The following CPE variants were observed in gnomAD, a reference collection of about 807,000 sequenced individuals.
The protein encoded by CPE is carbocypeptidase E.
In CPE, 17 loss-of-function variants were observed where a neutral mutation model predicts 53.5. The ratio of observed to expected loss-of-function variants is 0.32; its 90% CI spans 0.22 to 0.48. The LOEUF (loss-of-function observed/expected upper bound fraction) is 0.48, where lower values mean the gene tolerates loss of function less well. Among genes scored for constraint, CPE ranks in the 20% least tolerant of loss-of-function variants. The pLI, the probability that CPE is intolerant of heterozygous loss-of-function variation, is 0.99. For missense variants in CPE, 524 were observed against 614.7 expected, an observed-to-expected ratio of 0.85 and a Z score of 1.56; for synonymous variants, 226 against 228.8, an observed-to-expected ratio of 0.99 and a Z score of 0.11.
intron 3 of CPE, among the ~76,000 whole-genome samples, chr4:165,479,287 A>G (rs1732359353): frequency 6.6e-6 from 1 of 152,220 alleles, no homozygotes; most frequent in Non-Finnish European, 1.5e-5. Flanking sequence ...TCAAAATATA[A>G]TAAGAGTGTA....
intron 1 of CPE, among the ~76,000 whole-genome samples, chr4:165,424,003 C>T (rs1301566742): frequency 6.6e-6 from 1 of 151,998 alleles, no homozygotes; most frequent in Non-Finnish European, 1.5e-5. Context: ...CCCTACTGTC[C>T]TTATTATGTC....
chr4:165,379,340 G>T lies in CPE; in HGVS notation c.119G>T (p.Arg40Leu), dbSNP rs1415444803. Residue 40 changes from arginine (R) to leucine (L), a missense_variant, in exon 1 of 9, where the codon CGC becomes CTC. Coordinates refer to ENST00000402744, the MANE Select transcript of CPE (RefSeq NM_001873.4). This position sits in a 1 kb window ranked among gnomAD's most constrained non-coding sequence, Gnocchi z 6.0. ...GCGCCCGCGGCGGGCATGAGGCGGC[G>T]CCGGCGGCTGCAGCAAGAGGACGGC... ...PGAPAAGMRR[R>L]RRLQQEDGIS... 2 of 1,581,674 alleles carry T rather than the reference G, an allele frequency of 1.3e-6. No homozygotes were observed. The highest frequency in any genetic ancestry group is 1.7e-6 in the Non-Finnish European group (2 of 1,168,378).
At chr4:165,404,987 C>T in intron 1 of CPE, 1 of 752,384 alleles carries the variant, frequency 1.3e-6, no homozygotes, top group African/African-American at 1.7e-5. Context: ...CTTTAGCACT[C>T]TGTGCTTAAA....
intron 1 of CPE, among the ~76,000 whole-genome samples, chr4:165,459,674 T>TCGGG (rs1553976460): frequency 3.5e-5 from 2 of 56,690 alleles, no homozygotes; most frequent in African/African-American, 7.1e-5. Context: ...GAGGGCTGGG[T>TCGGG]GGGGGGGGGC....
chr4:165,444,758 C>A (rs1731675912), intron 1 of CPE, among the ~76,000 whole-genome samples: 1 of 152,172 alleles, frequency 6.6e-6, no homozygotes, highest in African/African-American at 2.4e-5. Context: ...TAGAGAGATT[C>A]ATCTTGGGCT....
chr4:165,379,227 C>G lies in CPE; in HGVS notation c.6C>G (p.Ala2=), dbSNP rs1452620983. Reference sequence around the variant, plus strand: ...GGCGGCGGCGGAGCGCAGCGATGGCCGGGCGAGGGGGCAGCGCGCTGCTGG... The same window carrying G: ...GGCGGCGGCGGAGCGCAGCGATGGCGGGGCGAGGGGGCAGCGCGCTGCTGG... M[A]GRGGSALLAL... The change falls in exon 1 of 9, where the codon GCC becomes GCG. Residue 2 remains alanine, a synonymous_variant. Coordinates refer to ENST00000402744, the MANE Select transcript of CPE (RefSeq NM_001873.4). The surrounding 1 kb of genome is among the most constrained non-coding windows in gnomAD (Gnocchi z 6.0). 2 of 1,231,198 alleles carry G rather than the reference C, an allele frequency of 1.6e-6. No homozygotes were observed. The highest frequency in any genetic ancestry group is 1.0e-6 in the Non-Finnish European group (1 of 989,592). 76.3% of individuals were successfully genotyped at this position (1,231,198 alleles called of 1,614,324 possible). A position where few individuals can be genotyped will look rare whatever the true frequency, so the allele number is the denominator to read the frequency against.
At chr4:165,408,729 T>C (rs927799977) in intron 1 of CPE, among the ~76,000 whole-genome samples, 1 of 152,182 alleles carries the variant, frequency 6.6e-6, no homozygotes, top group African/African-American at 2.4e-5. Context: ...TCTGTCAAGT[T>C]CCCAGGGATT....
chr4:165,417,841 T>C (rs958390239), intron 1 of CPE, among the ~76,000 whole-genome samples: 1 of 152,042 alleles, frequency 6.6e-6, no homozygotes, highest in Admixed American at 6.6e-5. Flanking sequence ...GGTGGGTACT[T>C]AATAAATAAT....
At chr4:165,456,739 A>AT (rs35855408) in intron 1 of CPE, among the ~76,000 whole-genome samples, 11,671 of 101,068 alleles carry the variant, frequency 0.12, 1,338 homozygotes, top group African/African-American at 0.25. Context: ...TGCCCAGCTA[A>AT]TTTTTTTTTT....
intron 8 of CPE, among the ~76,000 whole-genome samples, 187 bp downstream of exon 8, chr4:165,495,864 C>A (rs1440900472): frequency 6.6e-6 from 1 of 152,150 alleles, no homozygotes; most frequent in Non-Finnish European, 1.5e-5. Context: ...ATTACCATTT[C>A]TCAGTTTTTG....
At chr4:165,461,286 G>A (rs1028661699) in intron 1 of CPE, among the ~76,000 whole-genome samples, 1 of 151,944 alleles carries the variant, frequency 6.6e-6, no homozygotes, top group Non-Finnish European at 1.5e-5. Flanking sequence ...AAGGCTGTGC[G>A]GATAAAATAT....
intron 1 of CPE, among the ~76,000 whole-genome samples, chr4:165,428,539 G>A (rs903625124): frequency 2.0e-5 from 3 of 152,314 alleles, no homozygotes; most frequent in South Asian, 4.1e-4. Flanking sequence ...TGTGGATTCT[G>A]TAACAAATTA....
intron 3 of CPE, among the ~76,000 whole-genome samples, chr4:165,478,801 AC>A (rs1732349217): frequency 6.6e-6 from 1 of 152,156 alleles, no homozygotes; most frequent in South Asian, 2.1e-4. Flanking sequence ...TCCCACTAAA[AC>A]CAACCCTCCC....
intron 1 of CPE, chr4:165,405,997 TACTTCTTGA>T (rs1730946957): frequency 1.3e-6 from 1 of 749,778 alleles, no homozygotes; most frequent in Non-Finnish European, 2.5e-6. Flanking sequence ...GTATCTGTGT[TACTTCTTGA>T]GGGGTCTTGC....
intron 1 of CPE, among the ~76,000 whole-genome samples, chr4:165,435,775 A>G (rs1378100187): frequency 6.6e-6 from 1 of 152,164 alleles, no homozygotes; most frequent in African/African-American, 2.4e-5. Flanking sequence ...TTATAGCAAA[A>G]TCTTTGATTC....
intron 1 of CPE, among the ~76,000 whole-genome samples, chr4:165,452,983 T>C (rs1579268387): frequency 6.6e-6 from 1 of 152,274 alleles, no homozygotes; most frequent in South Asian, 2.1e-4. Flanking sequence ...TTTCTTTCTT[T>C]CTTTTTTTTT....
At chr4:165,487,288 C>T (rs752404912) in intron 5 of CPE, 150 bp from the exon 6 acceptor site, 239 of 994,500 alleles carry the variant, frequency 2.4e-4, no homozygotes, top group Non-Finnish European at 1.8e-4. Flanking sequence ...CAATCCCTTA[C>T]AGCAGATGAT....
chr4:165,404,252 A>T, intron 1 of CPE: 1 of 766,100 alleles, frequency 1.3e-6, no homozygotes, highest in Non-Finnish European at 2.4e-6. Context: ...GACGGCTCCA[A>T]TGTCTCCCTC....
intron 1 of CPE, among the ~76,000 whole-genome samples, chr4:165,407,003 G>A (rs1036822157): frequency 3.3e-5 from 5 of 152,160 alleles, no homozygotes; most frequent in African/African-American, 1.2e-4. Flanking sequence ...AGACATCTGG[G>A]TTGTTTCAAT....
Sources: gnomAD v4.1 joint callset for allele counts (sites outside exome capture counted in the v4.1 genomes callset) on GRCh38, gnomAD v4.1.1 for gene constraint, Gnocchi (gnomAD v3.1) non-coding constraint, MANE v1.5 for transcripts, NCBI Gene and HGNC (gene_info 2026-07-23, HGNC 2026-07-21) for gene names.